The following EVC2 variants were observed in gnomAD, a reference collection of about 807,000 sequenced individuals.
The protein encoded by EVC2 is limbin.
EVC2 carries 148 observed loss-of-function variants against 149.3 expected under a neutral mutation model. The observed-to-expected ratio is 0.99, with a 90% confidence interval of 0.87 to 1.14. The LOEUF (loss-of-function observed/expected upper bound fraction) is 1.14. Ranked by LOEUF, EVC2 falls within the 50% of genes most tolerant of loss-of-function variation. EVC2 has a pLI of 0.00. For missense variants in EVC2, 1,854 were observed against 1,627.3 expected, an observed-to-expected ratio of 1.14 and a Z score of -2.40; for synonymous variants, 776 against 649.9, an observed-to-expected ratio of 1.19 and a Z score of -2.95.
At chr4:5,543,095 C>T (rs1321471081) in exon 22 of EVC2, 12 of 1,271,872 alleles carry the variant, frequency 9.4e-6, no homozygotes, top group South Asian at 1.2e-5. Flanking sequence ...TCCGAGGTAA[C>T]TCATCTATGT....
chr4:5,568,744 A>C, intron 19 of EVC2, 104 bp from the exon 20 acceptor site: 1 of 1,245,238 alleles, frequency 8.0e-7, no homozygotes. Flanking sequence ...GGAGTGATAA[A>C]TATTTCAGTA....
chr4:5,645,635 A>G (rs528011128), intron 9 of EVC2, among the ~76,000 whole-genome samples: 1 of 152,298 alleles, frequency 6.6e-6, no homozygotes, highest in African/African-American at 2.4e-5. Context: ...GTGTATATGT[A>G]CCACATTTGC....
downstream of EVC2, among the ~76,000 whole-genome samples, chr4:5,541,528 G>A (rs1165212661): frequency 5.3e-5 from 8 of 152,200 alleles, no homozygotes; most frequent in Non-Finnish European, 8.8e-5. Context: ...TTGAAAGCAC[G>A]TGGCTTCCTT....
intron 21 of EVC2, chr4:5,543,339 G>T: frequency 2.3e-6 from 1 of 430,322 alleles, no homozygotes; most frequent in Non-Finnish European, 4.1e-6. Context: ...TAATGACACA[G>T]TGAAGATCAG....
chr4:5,573,327 G>A (rs1353010815), intron 19 of EVC2, among the ~76,000 whole-genome samples: 1 of 152,188 alleles, frequency 6.6e-6, no homozygotes, highest in Admixed American at 6.5e-5. Context: ...ATTACCATGT[G>A]GGTCCTTAAA....
intron 7 of EVC2, among the ~76,000 whole-genome samples, chr4:5,673,515 T>C (rs561079838): frequency 3.0e-4 from 45 of 152,330 alleles, no homozygotes; most frequent in African/African-American, 1.1e-3. Flanking sequence ...CATCTTTACC[T>C]TAAACCTCAT....
At position 5,696,373 on chromosome 4, in the gene EVC2, T is replaced by G. The variant is rs1474825754; in HGVS notation, c.283+1220A>C. ...ATCCCGCTCAGTCTACAGAGCCAAGTGGGGCCCACCCGAATCCCAGCCCAT... is the reference window on the plus strand; with the variant it reads ...ATCCCGCTCAGTCTACAGAGCCAAGGGGGGCCCACCCGAATCCCAGCCCAT... On this transcript the variant is annotated intron_variant, in intron 2 of 21. Coordinates refer to ENST00000344408, the MANE Select transcript of EVC2 (RefSeq NM_147127.5). The surrounding 1 kb of genome is among the most constrained non-coding windows in gnomAD (Gnocchi z 4.1). 2.6e-5 allele frequency among the ~76,000 whole-genome samples: 4 copies of G among 152,136 alleles called. No individual in the cohort carries two copies. In the South Asian group the frequency reaches 6.2e-4, roughly 24 times the overall value.
chr4:5,681,544 C>A (rs1161140763), intron 6 of EVC2, among the ~76,000 whole-genome samples: 1 of 152,174 alleles, frequency 6.6e-6, no homozygotes. Flanking sequence ...TCGCTAACAT[C>A]CAGAGAAAGT....
chr4:5,687,763 A>G (rs1414726605), intron 5 of EVC2, among the ~76,000 whole-genome samples: 1 of 152,140 alleles, frequency 6.6e-6, no homozygotes, highest in African/African-American at 2.4e-5. Flanking sequence ...AGCATGGACC[A>G]TGAAAGGTCT....
intron 21 of EVC2, among the ~76,000 whole-genome samples, chr4:5,554,670 G>A (rs1183814790): frequency 1.3e-5 from 2 of 152,204 alleles, no homozygotes; most frequent in African/African-American, 4.8e-5. Context: ...GTGAGGAGAA[G>A]CTAAGAAACA....
At chr4:5,678,353 G>A (rs1047109026) in intron 7 of EVC2, among the ~76,000 whole-genome samples, 2 of 152,196 alleles carry the variant, frequency 1.3e-5, no homozygotes, top group African/African-American at 4.8e-5. Context: ...CACAACTCAT[G>A]CTGGGGAGAT....
the EVC2 span, among the ~76,000 whole-genome samples, chr4:5,530,606 T>C: frequency 3.9e-5 from 6 of 152,144 alleles, no homozygotes; most frequent in Non-Finnish European, 7.3e-5. Flanking sequence ...TTATGAACCA[T>C]AGTCCTCCTG....
intron 10 of EVC2, among the ~76,000 whole-genome samples, chr4:5,638,760 G>A (rs994602961): frequency 2.0e-5 from 3 of 152,142 alleles, no homozygotes; most frequent in Non-Finnish European, 4.4e-5. Flanking sequence ...TAAGAGACAG[G>A]AGATGAGAGG....
intron 10 of EVC2, among the ~76,000 whole-genome samples, chr4:5,634,935 C>G (rs1048288867): frequency 2.0e-5 from 3 of 151,616 alleles, no homozygotes; most frequent in African/African-American, 7.3e-5. Flanking sequence ...TGCAGGAATA[C>G]GGACTCAACA....
chr4:5,596,831 GAAGAA>G (rs1713465767), intron 16 of EVC2, among the ~76,000 whole-genome samples: 1 of 151,948 alleles, frequency 6.6e-6, no homozygotes, highest in African/African-American at 2.4e-5. Flanking sequence ...GACTAATAAA[GAAGAA>G]AAGAGAGAAG....
rs569344045 is a variant in EVC2, at chr4:5,695,113, G to GCTGAGGCGGGCA, written c.284-624_284-613dup. Among the ~76,000 whole-genome samples, 296 of 152,188 alleles carry GCTGAGGCGGGCA rather than the reference G, an allele frequency of 1.9e-3. 2 individuals are homozygous for GCTGAGGCGGGCA. The highest frequency in any genetic ancestry group is 6.6e-3 in the African/African-American group (276 of 41,506). On this transcript the variant is annotated intron_variant, in intron 2 of 21. Coordinates refer to ENST00000344408, the MANE Select transcript of EVC2 (RefSeq NM_147127.5). ...ACCTGTAATCCTAGCACTTTGGGAG[G>GCTGAGGCGGGCA]CTGAGGCGGGCAGATCACAAAGTCA...
At position 5,677,066 on chromosome 4, in the gene EVC2, G is replaced by C. The variant is rs1490679502; in HGVS notation, c.870+4194C>G. Among the ~76,000 whole-genome samples the C allele has an allele frequency of 6.6e-6, 1 of 152,184 alleles. No homozygotes were observed. The highest frequency in any genetic ancestry group is 1.9e-4 in the East Asian group (1 of 5,182). ...ACAGAACACTTGGCACAGCTGTGCT[G>C]TTCTCATGTGTAAATAATAGTAATA... is the stretch of plus-strand genomic sequence containing the variant. On this transcript the variant is annotated intron_variant, in intron 7 of 21. Transcript: ENST00000344408. The surrounding 1 kb of genome is among the most constrained non-coding windows in gnomAD (Gnocchi z 4.3).
intron 2 of EVC2, among the ~76,000 whole-genome samples, chr4:5,695,192 C>CA (rs1421139349): frequency 1.3e-5 from 2 of 151,788 alleles, no homozygotes; most frequent in Admixed American, 6.6e-5. Context: ...TACTAAAATA[C>CA]AAAAAATTAG....
rs144137685 is a variant in EVC2, at chr4:5,547,209, C to T, written c.3420-3997G>A. Among the ~76,000 whole-genome samples, 771 of 152,340 alleles carry T rather than the reference C, an allele frequency of 5.1e-3. 10 individuals carry two copies. Among genetic ancestry groups the T allele is most frequent in the African/African-American group, 0.017 (726 of 41,588 alleles). ...TCGCCAGGTGTGCACACACTTTGGG[C>T]GGTGCTGACATGCCAGCCCCCCACT... On this transcript the variant is annotated intron_variant and NMD_transcript_variant, in intron 21 of 22. Transcript: ENST00000475313.
Sources: allele counts gnomAD v4.1 joint callset (sites outside exome capture counted in the v4.1 genomes callset), GRCh38; gene constraint gnomAD v4.1.1; non-coding constraint Gnocchi (gnomAD v3.1); transcripts MANE v1.5; gene names NCBI Gene and HGNC (gene_info 2026-07-23, HGNC 2026-07-21).